PTPRD: variants seen among roughly 807,000 people sequenced by gnomAD.
The protein encoded by PTPRD is protein tyrosine phosphatase receptor type D, also known as receptor-type tyrosine-protein phosphatase delta.
A neutral mutation model predicts 214.5 loss-of-function variants in PTPRD; 34 were observed. That is an observed-to-expected ratio of 0.16 (90% CI 0.12 to 0.21). The LOEUF (loss-of-function observed/expected upper bound fraction) is 0.21, where lower values mean the gene tolerates loss of function less well. Ranked by LOEUF, PTPRD falls within the 10% of genes least tolerant of loss-of-function variation. The pLI, the probability that PTPRD is intolerant of heterozygous loss-of-function variation, is 1.00. For missense variants in PTPRD, 2,545 were observed against 2,398.7 expected (o/e 1.06, Z -1.27); for synonymous variants, 1,128 against 845.7 (o/e 1.33, Z -5.79).
intron 21 of PTPRD, among the ~76,000 whole-genome samples, chr9:8,516,812 T>G (rs1002658068): frequency 1.9e-5 from 2 of 104,064 alleles, no homozygotes; most frequent in African/African-American, 7.4e-5. Context: ...TTTTTTTTTT[T>G]TTTTTTTTTT....
At chr9:8,442,228 G>C (rs2132950778) in intron 34 of PTPRD, among the ~76,000 whole-genome samples, 2 of 152,226 alleles carry the variant, frequency 1.3e-5, no homozygotes, top group South Asian at 4.1e-4. Context: ...GCTAATTTAT[G>C]GTATTTTTGC....
intron 3 of PTPRD, among the ~76,000 whole-genome samples, chr9:10,262,686 C>T (rs2093776388): frequency 6.6e-6 from 1 of 152,174 alleles, no homozygotes; most frequent in Non-Finnish European, 1.5e-5. Flanking sequence ...GTCACTTTAC[C>T]TCTCTGGGAC....
intron 9 of PTPRD, among the ~76,000 whole-genome samples, chr9:9,202,189 A>G (rs966312022): frequency 6.6e-6 from 1 of 152,224 alleles, no homozygotes; most frequent in Non-Finnish European, 1.5e-5. Flanking sequence ...AGCAGTAGTA[A>G]CAACGATTAA....
At chr9:9,509,790 C>T (rs1333664660) in intron 8 of PTPRD, among the ~76,000 whole-genome samples, 1 of 119,450 alleles carries the variant, frequency 8.4e-6, no homozygotes, top group East Asian at 2.5e-4. Flanking sequence ...TTTATTGAAA[C>T]TACCTTTTTA....
At chr9:9,321,344 T>C (rs1966386062) in intron 9 of PTPRD, among the ~76,000 whole-genome samples, 1 of 151,948 alleles carries the variant, frequency 6.6e-6, no homozygotes, top group East Asian at 1.9e-4. Context: ...TCACCTGAGG[T>C]CGGGAGTTCA....
intron 7 of PTPRD, among the ~76,000 whole-genome samples, chr9:9,731,303 T>C (rs1182936547): frequency 6.6e-6 from 1 of 152,174 alleles, no homozygotes; most frequent in Non-Finnish European, 1.5e-5. Flanking sequence ...TAATTTTACA[T>C]TTATTTTCAT....
At chr9:8,376,270 T>G (rs537354737) in intron 38 of PTPRD, among the ~76,000 whole-genome samples, 180 bp from the exon 39 acceptor site, 4 of 152,186 alleles carry the variant, frequency 2.6e-5, no homozygotes, top group Non-Finnish European at 2.9e-5. Flanking sequence ...ATGACAAATA[T>G]TTGCGCAGGA....
intron 3 of PTPRD, among the ~76,000 whole-genome samples, chr9:10,289,812 C>G (rs557998827): frequency 6.6e-6 from 1 of 151,746 alleles, no homozygotes; most frequent in Non-Finnish European, 1.5e-5. Context: ...GATATGTATA[C>G]AAGAAATTGT....
intron 12 of PTPRD, among the ~76,000 whole-genome samples, chr9:8,657,500 T>C (rs2096935914): frequency 6.6e-6 from 1 of 152,174 alleles, no homozygotes; most frequent in South Asian, 2.1e-4. Flanking sequence ...TTTTTCTTCT[T>C]GTAAATTTGT....
intron 4 of PTPRD, among the ~76,000 whole-genome samples, chr9:9,954,989 A>C (rs16930667): frequency 0.088 from 13,321 of 152,200 alleles, 1,934 homozygotes; most frequent in African/African-American, 0.3. Flanking sequence ...ATAATTGTGC[A>C]AGAAATGTTA....
intron 2 of PTPRD, among the ~76,000 whole-genome samples, chr9:10,397,968 C>G (rs546021753): frequency 6.6e-6 from 1 of 151,852 alleles, no homozygotes; most frequent in Non-Finnish European, 1.5e-5. Context: ...TAATTAGGAG[C>G]AGGTAAAATT....
At chr9:8,446,760 C>T (rs565355896) in intron 34 of PTPRD, among the ~76,000 whole-genome samples, 116 of 152,220 alleles carry the variant, frequency 7.6e-4, no homozygotes, top group African/African-American at 2.6e-3. Flanking sequence ...TAAAAATTAG[C>T]GTCATAGCAC....
At chr9:9,971,909 C>G (rs1161506098) in intron 4 of PTPRD, among the ~76,000 whole-genome samples, 1 of 152,104 alleles carries the variant, frequency 6.6e-6, no homozygotes, top group Non-Finnish European at 1.5e-5. Context: ...ATAAAACTCT[C>G]TTTGGAAACA....
intron 10 of PTPRD, among the ~76,000 whole-genome samples, chr9:9,119,229 T>C (rs17589981): frequency 0.26 from 39,616 of 152,046 alleles, 6,110 homozygotes; most frequent in Middle Eastern, 0.46. Context: ...TAGTCACCAG[T>C]CTAAGTTATT....
chr9:9,356,330 G>A (rs1285640690), intron 9 of PTPRD, among the ~76,000 whole-genome samples: 2 of 151,268 alleles, frequency 1.3e-5, no homozygotes, highest in Non-Finnish European at 3.0e-5. Flanking sequence ...GCTAGAATGA[G>A]GTCTTTGGCT....
intron 14 of PTPRD, among the ~76,000 whole-genome samples, chr9:8,543,696 G>A (rs1184986046): frequency 6.6e-6 from 1 of 152,038 alleles, no homozygotes; most frequent in African/African-American, 2.4e-5. Flanking sequence ...TTCCCCAGTG[G>A]GAAAAAGACA....
chr9:9,405,918 C>A (rs1228681629), intron 8 of PTPRD, among the ~76,000 whole-genome samples: 1 of 151,880 alleles, frequency 6.6e-6, no homozygotes, highest in Non-Finnish European at 1.5e-5. Context: ...AACACTAGAG[C>A]TTTGCATATT....
chr9:8,819,679 G>T (rs2097004708), intron 11 of PTPRD, among the ~76,000 whole-genome samples: 3 of 152,076 alleles, frequency 2.0e-5, no homozygotes, highest in African/African-American at 7.2e-5. Flanking sequence ...AGCTCTTTGT[G>T]AAACTTGGGG....
intron 10 of PTPRD, among the ~76,000 whole-genome samples, chr9:9,182,892 C>A (rs1436473318): frequency 6.6e-6 from 1 of 151,700 alleles, no homozygotes; most frequent in Non-Finnish European, 1.5e-5. Flanking sequence ...TCCAAAAGAG[C>A]CAAAATAAAG....
Sources: allele counts gnomAD v4.1 joint callset (sites outside exome capture counted in the v4.1 genomes callset), GRCh38; gene constraint gnomAD v4.1.1; transcripts MANE v1.5; gene names NCBI Gene and HGNC (gene_info 2026-07-23, HGNC 2026-07-21).